ZSWIM9: variants seen among roughly 807,000 people sequenced by gnomAD.
ZSWIM9 encodes the protein zinc finger SWIM-type containing 9.
In ZSWIM9, 11 loss-of-function variants were observed where a neutral mutation model predicts 25.0. The observed-to-expected ratio is 0.44, with a 90% CI of 0.28 to 0.73. The LOEUF is 0.73. ZSWIM9 is among the 30% of genes least tolerant of loss of function. The probability of loss-of-function intolerance (pLI) is 0.16; values close to 1 mark genes in which losing one functional copy is unlikely to be tolerated. For missense variants in ZSWIM9, 1,070 were observed against 1,296.5 expected (o/e 0.83, Z 2.68); for synonymous variants, 562 against 582.1 (o/e 0.97, Z 0.50).
chr19:48,196,749 AGC>A lies in ZSWIM9; in HGVS notation c.2690_2691del (p.Arg897ProfsTer47). ...GTCTGCCCTGCAGACACCTCTTTGC[AGC>A]GCGCCTCCTCACTGGGGCTGCCTTA... ...RRLPCRHLFA[A>X]RLLTGAALFH... On this transcript the variant is annotated frameshift_variant, in exon 4 of 4. Transcript: ENST00000614654. LOFTEE classifies it high-confidence loss of function. 3.2e-6 allele frequency: 4 copies of A among 1,233,442 alleles called. No individual in the cohort carries two copies. The highest frequency in any genetic ancestry group is 4.0e-6 in the Non-Finnish European group (4 of 988,938). 76.4% of individuals were successfully genotyped at this position (1,233,442 alleles called of 1,614,324 possible).
chr19:48,184,980 A>T (rs1364351501), intron 3 of ZSWIM9, among the ~76,000 whole-genome samples: 1 of 152,060 alleles, frequency 6.6e-6, no homozygotes, highest in Non-Finnish European at 1.5e-5. Flanking sequence ...TTCTTCCCTG[A>T]ACCCACCCTC....
At chr19:48,185,878 C>T (rs1249963357) in intron 3 of ZSWIM9, among the ~76,000 whole-genome samples, 2 of 152,148 alleles carry the variant, frequency 1.3e-5, no homozygotes, top group African/African-American at 2.4e-5. Flanking sequence ...CTCAGCTACT[C>T]GGGAGGCTGA....
chr19:48,171,760 C>G, intron 1 of ZSWIM9, 34 bp from the exon 2 acceptor site: 1 of 1,501,788 alleles, frequency 6.7e-7, no homozygotes, highest in East Asian at 2.5e-5. Flanking sequence ...GGGAATGGGT[C>G]TGATATCCAC....
intron 3 of ZSWIM9, among the ~76,000 whole-genome samples, chr19:48,188,838 T>C (rs1599932308): frequency 6.6e-6 from 1 of 151,822 alleles, no homozygotes. Flanking sequence ...GAGACCAGCC[T>C]GGCTAACATG....
intron 3 of ZSWIM9, among the ~76,000 whole-genome samples, chr19:48,192,223 A>G (rs1264287634): frequency 6.6e-6 from 1 of 151,334 alleles, no homozygotes; most frequent in African/African-American, 2.4e-5. Flanking sequence ...ATATTTTCTC[A>G]GTAAATATCT....
intron 3 of ZSWIM9, among the ~76,000 whole-genome samples, chr19:48,187,981 T>TAGACAGAC (rs1271571462): frequency 2.0e-4 from 30 of 147,674 alleles, no homozygotes; most frequent in African/African-American, 7.9e-4. Flanking sequence ...GATAGATAGA[T>TAGACAGAC]AGATAGACAG....
In ZSWIM9 at chr19:48,195,936, A is replaced by T; in HGVS notation, c.1872A>T (p.Gly624=). 2.2e-6 allele frequency: 3 copies of T among 1,339,234 alleles called. No individual in the cohort carries two copies. The South Asian group carries it at 6.2e-5, about 28-fold the overall frequency. 83.0% of individuals were successfully genotyped at this position (1,339,234 alleles called of 1,614,324 possible). ...ATGAGAGGGTCAGGAGTCTTGAAGG[A>T]AGCCCCTGGAGGGGGGCGCAGCTGC... ...FDYERVRSLE[G]SPWRGAQLHD... is the part of the protein sequence containing the mutation. The change falls in exon 4 of 4, where the codon GGA becomes GGT. Residue 624 remains glycine, a synonymous_variant. Coordinates refer to ENST00000614654, the MANE Select transcript of ZSWIM9 (RefSeq NM_199341.4). The surrounding 1 kb of genome is among the most constrained non-coding windows in gnomAD (Gnocchi z 5.8).
At chr19:48,179,596 A>G (rs913609925) in intron 2 of ZSWIM9, among the ~76,000 whole-genome samples, 2 of 152,236 alleles carry the variant, frequency 1.3e-5, no homozygotes, top group African/African-American at 4.8e-5. Context: ...AAAGAGATGT[A>G]TAAGAGAGTG....
intron 3 of ZSWIM9, among the ~76,000 whole-genome samples, chr19:48,183,951 A>AT (rs2036983622): frequency 1.5e-5 from 2 of 133,520 alleles, no homozygotes; most frequent in Middle Eastern, 3.8e-3. Flanking sequence ...GGCCTACTTA[A>AT]ATTTTTTTTT....
chr19:48,182,776 T>C lies in ZSWIM9; in HGVS notation c.588+9T>C, dbSNP rs1482106786. ...CCGACCCCGAGGCCAAGGTGGGGTC[T>C]CGAGAGAGGCAGGCCGGGGGAGGGG... On this transcript the variant is annotated intron_variant, in intron 3 of 3. Coordinates refer to ENST00000614654, the MANE Select transcript of ZSWIM9 (RefSeq NM_199341.4). The surrounding 1 kb of genome is among the most constrained non-coding windows in gnomAD (Gnocchi z 4.6). The C allele has an allele frequency of 6.6e-7, 1 of 1,518,042 alleles. No individual in the cohort carries two copies. Among genetic ancestry groups the C allele is most frequent in the East Asian group, 2.5e-5 (1 of 40,498 alleles). 94.0% of individuals were successfully genotyped at this position (1,518,042 alleles called of 1,614,324 possible). A position where few individuals can be genotyped will look rare whatever the true frequency, so the allele number is the denominator to read the frequency against.
chr19:48,178,649 T>C (rs528855092), intron 2 of ZSWIM9, among the ~76,000 whole-genome samples: 1 of 152,186 alleles, frequency 6.6e-6, no homozygotes, highest in South Asian at 2.1e-4. Context: ...CGATCTCGGC[T>C]CACTGCAACC....
Position 48,195,986 on chromosome 19 carries a change from G to C in ZSWIM9, c.1922G>C (p.Arg641Thr). 2.3e-6 allele frequency: 3 copies of C among 1,295,048 alleles called. No individual in the cohort carries two copies. The highest frequency in any genetic ancestry group is 2.9e-6 in the Non-Finnish European group (3 of 1,024,836). 80.2% of individuals were successfully genotyped at this position (1,295,048 alleles called of 1,614,324 possible). A position where few individuals can be genotyped will look rare whatever the true frequency, so the allele number is the denominator to read the frequency against. ...CACGATGAAAGGGCAGGGGGACTGA[G>C]AACTGCAGAATGGAAGGGGCCACAG... ...QLHDERAGGL[R>T]TAEWKGPQSE... The change falls in exon 4 of 4, where the codon AGA becomes ACA. Residue 641 changes from arginine (R) to threonine (T), a missense_variant. Arg to Thr is a moderately conservative substitution (Grantham distance 71). Around this residue, in one of 4 missense-constraint regions of ZSWIM9, gnomAD observed 583 missense variants for 624.7 expected, o/e 0.93. Coordinates refer to ENST00000614654, the MANE Select transcript of ZSWIM9 (RefSeq NM_199341.4). This position sits in a 1 kb window ranked among gnomAD's most constrained non-coding sequence, Gnocchi z 5.8.
Position 48,171,836 on chromosome 19 carries a change from G to T in ZSWIM9, c.34G>T (p.Ala12Ser), listed in dbSNP as rs1453379937. ...GCCGGAGCCCCCACCCGGCACGGCT[G>T]CGGGGCAGGAGGAGCAGGAGCTGCG... The part of the protein sequence containing the change: ...ERPEPPPGTA[A>S]GQEEQELRER... Residue 12 changes from alanine (A) to serine (S), a missense_variant, in exon 2 of 4, where the codon GCG becomes TCG. Around this residue, in one of 4 missense-constraint regions of ZSWIM9, gnomAD observed 265 missense variants for 339.0 expected, o/e 0.78. Coordinates refer to ENST00000614654, the MANE Select transcript of ZSWIM9 (RefSeq NM_199341.4). 2 of 1,534,098 alleles carry T rather than the reference G, an allele frequency of 1.3e-6. No homozygotes were observed. Among genetic ancestry groups the T allele is most frequent in the African/African-American group, 1.4e-5 (1 of 72,974 alleles).
intron 3 of ZSWIM9, among the ~76,000 whole-genome samples, chr19:48,191,676 G>A (rs947267655): frequency 1.4e-4 from 21 of 152,188 alleles, no homozygotes; most frequent in Admixed American, 1.2e-3. Flanking sequence ...GGAATCTGTC[G>A]TCTATGGCAG....
At position 48,194,799 on chromosome 19, in the gene ZSWIM9, C is replaced by A; in HGVS notation, c.735C>A (p.Ala245=). ...PGLQGALDLL[A]VLCVDGSGRA... ...TGCAGGGCGCGCTGGATCTGCTGGC[C>A]GTGCTGTGCGTGGACGGCTCGGGCC... The change falls in exon 4 of 4, where the codon GCC becomes GCA. Residue 245 remains alanine (A), a synonymous_variant. Coordinates refer to ENST00000614654, the MANE Select transcript of ZSWIM9 (RefSeq NM_199341.4). The surrounding 1 kb of genome is among the most constrained non-coding windows in gnomAD (Gnocchi z 6.0). The A allele has an allele frequency of 6.5e-7, 1 of 1,529,976 alleles. No homozygotes were observed. Among genetic ancestry groups the A allele is most frequent in the Non-Finnish European group, 8.7e-7 (1 of 1,144,136 alleles). The allele number at this position is 1,529,976 out of a possible 1,614,324, so 94.8% of individuals were successfully genotyped here. A position where few individuals can be genotyped will look rare whatever the true frequency, so the allele number is the denominator to read the frequency against.
In ZSWIM9 at chr19:48,171,685, C is replaced by A. The variant is rs528945464; in HGVS notation, c.-9-109C>A. ...GGCACGTCCGACCCCGGGCTACCCA[C>A]CTCGATAGAGGCACCAGCAACCGAC... is the stretch of plus-strand genomic sequence containing the variant. On this transcript the variant is annotated intron_variant, in intron 1 of 3. Transcript: ENST00000614654. 3.1e-5 allele frequency: 34 copies of A among 1,111,794 alleles called. No homozygotes were observed. In the East Asian group the frequency reaches 7.0e-4, roughly 23 times the overall value. 68.9% of individuals were successfully genotyped at this position (1,111,794 alleles called of 1,614,324 possible). A position where few individuals can be genotyped will look rare whatever the true frequency, so the allele number is the denominator to read the frequency against.
chr19:48,171,543 G>A (rs1454985201), intron 1 of ZSWIM9: 1 of 356,740 alleles, frequency 2.8e-6, no homozygotes, highest in African/African-American at 2.2e-5. Flanking sequence ...CTGCGGAGGA[G>A]GAGACGAGTT....
Position 48,196,716 on chromosome 19 carries a change from C to A in ZSWIM9, c.2652C>A (p.Ala884=). ...ALTRCSCSIH[A]ARRLPCRHLF... is the part of the protein sequence containing the mutation. ...CACGCTGCAGCTGCTCAATTCACGC[C>A]GCCCGCCGTCTGCCCTGCAGACACC... Residue 884 remains alanine (A), a synonymous_variant, in exon 4 of 4, where the codon GCC becomes GCA. Coordinates refer to ENST00000614654, the MANE Select transcript of ZSWIM9 (RefSeq NM_199341.4). 1 of 1,232,990 alleles carries A rather than the reference C, an allele frequency of 8.1e-7. No individual in the cohort carries two copies. The highest frequency in any genetic ancestry group is 1.0e-6 in the Non-Finnish European group (1 of 988,632). 76.4% of individuals were successfully genotyped at this position (1,232,990 alleles called of 1,614,324 possible). A position where few individuals can be genotyped will look rare whatever the true frequency, so the allele number is the denominator to read the frequency against.
intron 3 of ZSWIM9, among the ~76,000 whole-genome samples, chr19:48,184,643 A>C (rs1195324023): frequency 6.6e-6 from 1 of 152,158 alleles, no homozygotes; most frequent in Non-Finnish European, 1.5e-5. Flanking sequence ...AATGTTTATC[A>C]AGCACTTACT....
Sources: allele counts gnomAD v4.1 joint callset (sites outside exome capture counted in the v4.1 genomes callset), GRCh38; gene constraint gnomAD v4.1.1; regional missense constraint gnomAD v4.1.1; non-coding constraint Gnocchi (gnomAD v3.1); transcripts MANE v1.5; gene names NCBI Gene and HGNC (gene_info 2026-07-23, HGNC 2026-07-21).